The following TSGA10 variants were observed in gnomAD, a reference collection of about 807,000 sequenced individuals.
TSGA10 encodes the protein testis-specific gene 10 protein.
In TSGA10, 43 loss-of-function variants were observed where a neutral mutation model predicts 96.6. The observed-to-expected ratio is 0.44, with a 90% CI of 0.35 to 0.57. The LOEUF is 0.57. TSGA10 is among the 20% of genes least tolerant of loss of function. The probability of loss-of-function intolerance (pLI) is 0.01; values close to 1 mark genes in which losing one functional copy is unlikely to be tolerated. For synonymous variants in TSGA10, 229 were observed against 269.9 expected (o/e 0.85, Z 1.48); for missense variants, 703 against 834.4 (o/e 0.84, Z 1.94).
Position 99,018,594 on chromosome 2 carries a change from G to T in TSGA10, c.1864C>A (p.Gln622Lys), listed in dbSNP as rs2079737284. The T allele has an allele frequency of 6.2e-7, 1 of 1,613,808 alleles. No homozygotes were observed. The highest frequency in any genetic ancestry group is 1.3e-5 in the African/African-American group (1 of 74,882). The change falls in exon 19 of 21, where the codon CAA (glutamine) becomes AAA (lysine). Residue 622 changes from glutamine to lysine, a missense_variant. This residue lies in a region of TSGA10 where 49 missense variants were observed against 96.4 expected (regional missense o/e 0.51). Coordinates refer to ENST00000393483, the MANE Select transcript of TSGA10 (RefSeq NM_025244.4). ...DVAQFRNVVT[Q>K]LEADLDITKR... ...GTAATGTCTAAATCAGCTTCCAATT[G>T]TGTGACAACATTTCTGAACTGGGCC...
intron 20 of TSGA10, among the ~76,000 whole-genome samples, chr2:99,007,937 C>T (rs2078651265): frequency 6.6e-6 from 1 of 152,018 alleles, no homozygotes; most frequent in African/African-American, 2.4e-5. Context: ...AATAGAAAGT[C>T]CAAAAAGAGA....
chr2:99,012,267 A>C (rs1297318568), intron 20 of TSGA10, among the ~76,000 whole-genome samples: 7 of 152,172 alleles, frequency 4.6e-5, no homozygotes, highest in African/African-American at 1.7e-4. Flanking sequence ...ACAATGGGGG[A>C]AGAAAACACC....
At position 99,127,140 on chromosome 2, in the gene TSGA10, G is replaced by A. The variant is rs569794403; in HGVS notation, c.-584C>T. ...TGGTAGTTTTCAGCTTCAGAAACTG[G>A]AGCCCCTAGACCAAAATCATATTCT... On this transcript the variant is annotated 5_prime_UTR_variant, in exon 2 of 21. Coordinates refer to ENST00000393483, the MANE Select transcript of TSGA10 (RefSeq NM_025244.4). 1.1e-5 allele frequency: 14 copies of A among 1,289,250 alleles called. No homozygotes were observed. In the African/African-American group the frequency reaches 2.1e-4, roughly 20 times the overall value. The allele number at this position is 1,289,250 out of a possible 1,614,324, so 79.9% of individuals were successfully genotyped here.
chr2:99,057,436 T>C lies in TSGA10; in HGVS notation c.1404+7503A>G, dbSNP rs75952111. Among the ~76,000 whole-genome samples the C allele has an allele frequency of 3.2e-3, 489 of 152,242 alleles. 7 individuals carry two copies. The highest frequency in any genetic ancestry group is 0.03 in the East Asian group (154 of 5,194). ...ATACAAGATCGATATACAAAAATCA[T>C]TGTATTTTTATACACTTGCGATGGA... is the stretch of plus-strand genomic sequence containing the variant. On this transcript the variant is annotated intron_variant, in intron 16 of 20. Transcript: ENST00000393483.
chr2:99,136,846 T>TAAAAAAAA (rs2093348915), intron 1 of TSGA10, among the ~76,000 whole-genome samples: 1 of 120,902 alleles, frequency 8.3e-6, no homozygotes, highest in Non-Finnish European at 1.9e-5. Context: ...AAAAAAAAAG[T>TAAAAAAAA]ATTTCTGACT....
chr2:99,074,029 T>TTTTTTTTTTTTTTG (rs1241657890), intron 12 of TSGA10, among the ~76,000 whole-genome samples: 7 of 136,796 alleles, frequency 5.1e-5, no homozygotes, highest in African/African-American at 1.7e-4. Flanking sequence ...TTTTTTTTTT[T>TTTTTTTTTTTTTTG]GAGATGGAGT....
chr2:99,152,715 G>A (rs2093704703), intron 1 of TSGA10, among the ~76,000 whole-genome samples: 1 of 152,232 alleles, frequency 6.6e-6, no homozygotes, highest in Non-Finnish European at 1.5e-5. Context: ...GGTCATAAAA[G>A]TGGAGAGAAG....
intron 17 of TSGA10, among the ~76,000 whole-genome samples, chr2:99,026,210 C>A: frequency 6.6e-6 from 1 of 152,148 alleles, no homozygotes; most frequent in East Asian, 1.9e-4. Flanking sequence ...TACTGTTGAA[C>A]TGTTTATTTA....
At chr2:99,103,081 TAAAAAAAA>T (rs538726196) in intron 10 of TSGA10, among the ~76,000 whole-genome samples, 1 of 126,744 alleles carries the variant, frequency 7.9e-6, no homozygotes, top group African/African-American at 2.8e-5. Context: ...GTTTTATGAC[TAAAAAAAA>T]AAAAAAAAAA....
At chr2:98,998,550 T>C (rs568252238) in intron 20 of TSGA10, among the ~76,000 whole-genome samples, 4 of 152,210 alleles carry the variant, frequency 2.6e-5, no homozygotes, top group East Asian at 1.9e-4. Flanking sequence ...GCGAAGAAAG[T>C]AGTGTTTCCC....
At chr2:99,019,666 G>T (rs1001256413) in intron 18 of TSGA10, among the ~76,000 whole-genome samples, 1 of 152,056 alleles carries the variant, frequency 6.6e-6, no homozygotes, top group African/African-American at 2.4e-5. Flanking sequence ...TAAGAACAGG[G>T]GTTAAGGGTC....
At chr2:99,023,956 T>A (rs1366190959) in intron 17 of TSGA10, among the ~76,000 whole-genome samples, 1 of 152,226 alleles carries the variant, frequency 6.6e-6, no homozygotes, top group Non-Finnish European at 1.5e-5. Context: ...TGCATTAAAT[T>A]TGTGGATCAG....
intron 7 of TSGA10, among the ~76,000 whole-genome samples, chr2:99,108,575 T>C (rs966444472): frequency 2.0e-5 from 3 of 152,172 alleles, no homozygotes; most frequent in Non-Finnish European, 4.4e-5. Flanking sequence ...TTTCTTCATA[T>C]CTTATTCCAA....
At chr2:99,056,633 A>G (rs1269865385) in intron 16 of TSGA10, among the ~76,000 whole-genome samples, 1 of 152,116 alleles carries the variant, frequency 6.6e-6, no homozygotes, top group Non-Finnish European at 1.5e-5. Context: ...TTACTGGTAA[A>G]TTTTTACCAA....
chr2:99,069,597 G>C (rs2085675930), intron 14 of TSGA10, among the ~76,000 whole-genome samples: 1 of 150,612 alleles, frequency 6.6e-6, no homozygotes, highest in Non-Finnish European at 1.5e-5. Context: ...CTAAGAGTTT[G>C]AGACCAGCCT....
intron 2 of TSGA10, among the ~76,000 whole-genome samples, chr2:99,119,396 G>C (rs190737046): frequency 6.6e-5 from 10 of 152,094 alleles, no homozygotes; most frequent in Non-Finnish European, 1.0e-4. Context: ...TCATGACACT[G>C]AGAATGAAAT....
intron 7 of TSGA10, among the ~76,000 whole-genome samples, chr2:99,106,823 G>C (rs2091396087): frequency 6.6e-6 from 1 of 151,844 alleles, no homozygotes. Context: ...TCTTTCAAAG[G>C]TTCCCTTCTG....
intron 1 of TSGA10, among the ~76,000 whole-genome samples, chr2:99,131,679 G>A (rs1437357186): frequency 6.6e-6 from 1 of 152,076 alleles, no homozygotes; most frequent in African/African-American, 2.4e-5. Context: ...GGTGAGAGAG[G>A]GCATCCTTGT....
chr2:99,004,061 AAAG>A (rs2078240403), intron 20 of TSGA10, among the ~76,000 whole-genome samples: 4 of 152,204 alleles, frequency 2.6e-5, no homozygotes, highest in Admixed American at 2.0e-4. Context: ...CAAGACTAAT[AAAG>A]AAGAAAAGAG....
Sources: gnomAD v4.1 joint callset for allele counts (sites outside exome capture counted in the v4.1 genomes callset) on GRCh38, gnomAD v4.1.1 for gene constraint, gnomAD v4.1.1 regional missense constraint, MANE v1.5 for transcripts, NCBI Gene and HGNC (gene_info 2026-07-23, HGNC 2026-07-21) for gene names.